The following PSD3 variants were observed in gnomAD, a reference collection of about 807,000 sequenced individuals.
PSD3 encodes PH and SEC7 domain-containing protein 3.
In PSD3, 49 loss-of-function variants were observed where a neutral mutation model predicts 105.5. The observed-to-expected ratio is 0.46, with a 90% CI of 0.37 to 0.59. PSD3 has a LOEUF of 0.59. Among genes scored for constraint, PSD3 ranks in the 20% least tolerant of loss-of-function variants. The probability of loss-of-function intolerance (pLI) is 0.00; values close to 1 mark genes in which losing one functional copy is unlikely to be tolerated. For synonymous variants in PSD3, 557 were observed against 457.8 expected (o/e 1.22, Z -2.77); for missense variants, 1,561 against 1,263.8 (o/e 1.24, Z -3.57).
In PSD3 at chr8:18,627,688, C is replaced by A. The variant is rs1806591212; in HGVS notation, c.2410+4925G>T. Among the ~76,000 whole-genome samples, 6 of 151,878 alleles carry A rather than the reference C, an allele frequency of 4.0e-5. No individual in the cohort carries two copies. In the South Asian group the frequency reaches 1.2e-3, roughly 31 times the overall value. ...ATTCAGTTAATCTGCAAGTTACTTA[C>A]CCGCACACCAGGAGAAAATCCAGTG... On this transcript the variant is annotated intron_variant, in intron 11 of 15. Coordinates refer to ENST00000327040, the MANE Select transcript of PSD3 (RefSeq NM_015310.4).
intron 10 of PSD3, among the ~76,000 whole-genome samples, chr8:18,650,034 C>G (rs1317095664): frequency 2.6e-5 from 4 of 152,176 alleles, no homozygotes; most frequent in African/African-American, 9.7e-5. Flanking sequence ...TGTAGCAGTG[C>G]AAGAACAGAC....
rs78532278 is a variant in PSD3 at position 18,663,894 on chromosome 8, G to A, written c.2173-8209C>T. 3.3e-3 allele frequency among the ~76,000 whole-genome samples: 496 copies of A among 152,170 alleles called. 2 individuals are homozygous for A. Among genetic ancestry groups the A allele is most frequent in the African/African-American group, 0.011 (474 of 41,506 alleles). On this transcript the variant is annotated intron_variant, in intron 9 of 15. Transcript: ENST00000327040. ...TTTTCCAGCAGCACAGTTTCACTTT[G>A]TATCTCTCTGTCACATTTTGACAAT...
intron 9 of PSD3, among the ~76,000 whole-genome samples, chr8:18,736,148 T>C (rs1349573860): frequency 3.3e-5 from 5 of 152,148 alleles, no homozygotes; most frequent in Non-Finnish European, 5.9e-5. Context: ...CTTATATATC[T>C]CACGTAATTT....
At chr8:18,951,171 G>A (rs1373761300) in intron 1 of PSD3, among the ~76,000 whole-genome samples, 2 of 152,154 alleles carry the variant, frequency 1.3e-5, no homozygotes, top group African/African-American at 4.8e-5. Context: ...GTGGTGGGAA[G>A]GTTGCTTGAG....
intron 4 of PSD3, among the ~76,000 whole-genome samples, chr8:18,813,972 G>T (rs963050475): frequency 6.6e-6 from 1 of 152,286 alleles, no homozygotes; most frequent in Non-Finnish European, 1.5e-5. Context: ...ATACATGACA[G>T]CACTTTATTA....
At chr8:18,954,250 G>A (rs1033538305) in intron 1 of PSD3, among the ~76,000 whole-genome samples, 27 of 152,074 alleles carry the variant, frequency 1.8e-4, no homozygotes, top group Admixed American at 1.6e-3. Context: ...AGATACCTGT[G>A]GCACAGTGGA....
At chr8:18,855,916 A>C (rs1815972474) in intron 4 of PSD3, among the ~76,000 whole-genome samples, 1 of 152,222 alleles carries the variant, frequency 6.6e-6, no homozygotes, top group Non-Finnish European at 1.5e-5. Context: ...GGTATGCCTC[A>C]AATGTTACAG....
At chr8:19,012,091 C>G (rs1297019311) in intron 1 of PSD3, among the ~76,000 whole-genome samples, 4 of 152,228 alleles carry the variant, frequency 2.6e-5, no homozygotes, top group Non-Finnish European at 4.4e-5. Context: ...GTGGCAAAAA[C>G]TCACCCAGTC....
At chr8:18,867,368 C>T (rs1479594885) in intron 4 of PSD3, among the ~76,000 whole-genome samples, 1 of 152,104 alleles carries the variant, frequency 6.6e-6, no homozygotes, top group Non-Finnish European at 1.5e-5. Flanking sequence ...TTCACAGCAC[C>T]ACGTCTCTGC....
chr8:18,822,019 C>T (rs893679773), intron 4 of PSD3, among the ~76,000 whole-genome samples: 12 of 152,104 alleles, frequency 7.9e-5, no homozygotes, highest in African/African-American at 2.7e-4. Flanking sequence ...GTACCCTTAG[C>T]AAAGACAATA....
intron 1 of PSD3, among the ~76,000 whole-genome samples, chr8:18,998,750 G>A (rs1826216742): frequency 6.6e-6 from 1 of 151,968 alleles, no homozygotes; most frequent in Non-Finnish European, 1.5e-5. Context: ...GCAGGTGAAT[G>A]TAGCCAGGCT....
Position 18,868,063 on chromosome 8 carries a change from G to A in PSD3, c.1245C>T (p.Ser415=), listed in dbSNP as rs199789008. The change falls in exon 4 of 16, where the codon AGC becomes AGT. Residue 415 remains serine (S), a synonymous_variant. Coordinates refer to ENST00000327040, the MANE Select transcript of PSD3 (RefSeq NM_015310.4). ...CCCCCTTAACGTGCTCCTCTTGTTC[G>A]CTGATCCTGGAAAGTAAATAAGAGT... ...PKPERDRERI[S]EQEEHVKGED... 2,586 of 1,597,792 alleles carry A rather than the reference G, an allele frequency of 1.6e-3. 30 individuals are homozygous for A. Among genetic ancestry groups the A allele is most frequent in the South Asian group, 0.015 (1,278 of 87,766 alleles).
chr8:18,623,544 G>GTGGGAAGAC (rs1806276219), intron 11 of PSD3, among the ~76,000 whole-genome samples: 1 of 151,144 alleles, frequency 6.6e-6, no homozygotes, highest in Non-Finnish European at 1.5e-5. Context: ...GGTGGCTGAG[G>GTGGGAAGAC]TGGGAAGACT....
intron 9 of PSD3, among the ~76,000 whole-genome samples, chr8:18,712,584 G>A (rs570483757): frequency 6.6e-6 from 1 of 152,170 alleles, no homozygotes; most frequent in Non-Finnish European, 1.5e-5. Context: ...TCAGGAAGTG[G>A]TTGAATCCCT....
intron 12 of PSD3, among the ~76,000 whole-genome samples, chr8:18,599,411 T>C (rs952346414): frequency 1.3e-5 from 2 of 152,074 alleles, no homozygotes; most frequent in African/African-American, 4.8e-5. Context: ...CCACAAGAAA[T>C]GAAATTAGGA....
Position 18,531,526 on chromosome 8 carries a change from T to C in PSD3, c.*4217A>G, listed in dbSNP as rs147562768. ...GGGTTATTCTGTGATGATTTGATCA[T>C]GTAAGATGCTATAAGACTGGTGGAA... On this transcript the variant is annotated 3_prime_UTR_variant, in exon 16 of 16. Transcript: ENST00000327040. 1 of 152,240 alleles carries C rather than the reference T, an allele frequency of 6.6e-6. No homozygotes were observed. Among genetic ancestry groups the C allele is most frequent in the Non-Finnish European group, 1.5e-5 (1 of 68,058 alleles). 9.4% of individuals were successfully genotyped at this position (152,240 alleles called of 1,614,324 possible). A position where few individuals can be genotyped will look rare whatever the true frequency, so the allele number is the denominator to read the frequency against.
At chr8:18,554,590 C>T (rs1341432044) in intron 15 of PSD3, among the ~76,000 whole-genome samples, 1 of 151,930 alleles carries the variant, frequency 6.6e-6, no homozygotes, top group South Asian at 2.1e-4. Flanking sequence ...CATTTGATAA[C>T]AGAAATATTA....
At chr8:18,995,317 A>G (rs1826018775) in intron 1 of PSD3, among the ~76,000 whole-genome samples, 1 of 152,082 alleles carries the variant, frequency 6.6e-6, no homozygotes, top group Non-Finnish European at 1.5e-5. Context: ...TCAGCTATCT[A>G]ATTACTAAAC....
At chr8:18,602,888 G>T (rs1804536894) in intron 11 of PSD3, among the ~76,000 whole-genome samples, 1 of 152,188 alleles carries the variant, frequency 6.6e-6, no homozygotes, top group Non-Finnish European at 1.5e-5. Context: ...TCATCATGAG[G>T]ACTGTAGAAG....
Sources: gnomAD v4.1 joint callset for allele counts (sites outside exome capture counted in the v4.1 genomes callset) on GRCh38, gnomAD v4.1.1 for gene constraint, MANE v1.5 for transcripts, NCBI Gene and HGNC (gene_info 2026-07-23, HGNC 2026-07-21) for gene names.